Variants in COL25A1 observed in about 807,000 individuals in gnomAD.
COL25A1 encodes collagen alpha-1(XXV) chain.
COL25A1 carries 103 observed loss-of-function variants against 128.4 expected under a neutral mutation model. The observed-to-expected ratio is 0.80, with a 90% CI of 0.68 to 0.94. The LOEUF (loss-of-function observed/expected upper bound fraction) is 0.94. Among genes scored for constraint, COL25A1 ranks in the 40% least tolerant of loss-of-function variants. The pLI is 0.00. For missense variants in COL25A1, 745 were observed against 840.0 expected, an observed-to-expected ratio of 0.89 and a Z score of 1.40; for synonymous variants, 279 against 277.2, an observed-to-expected ratio of 1.01 and a Z score of -0.06.
intron 19 of COL25A1, among the ~76,000 whole-genome samples, chr4:108,870,742 T>C (rs887259325): frequency 2.0e-5 from 3 of 152,220 alleles, no homozygotes; most frequent in Non-Finnish European, 4.4e-5. Context: ...CAAAATGATA[T>C]ATACAAATAA....
intron 5 of COL25A1, among the ~76,000 whole-genome samples, chr4:109,023,069 A>G (rs1333271365): frequency 6.6e-6 from 1 of 152,222 alleles, no homozygotes; most frequent in Non-Finnish European, 1.5e-5. Context: ...TTTATTCCAC[A>G]GCAAGAAAAT....
At chr4:109,299,030 C>T (rs958133815) in intron 3 of COL25A1, among the ~76,000 whole-genome samples, 2 of 152,200 alleles carry the variant, frequency 1.3e-5, no homozygotes, top group Non-Finnish European at 2.9e-5. Context: ...CATTAAACAT[C>T]ACGAAACAAT....
chr4:109,253,903 C>T (rs113278216), intron 3 of COL25A1, among the ~76,000 whole-genome samples: 238 of 152,022 alleles, frequency 1.6e-3, no homozygotes, highest in African/African-American at 5.3e-3. Flanking sequence ...CTGGCTAACA[C>T]GGTGAAACCC....
chr4:109,026,546 T>C (rs534212813), intron 5 of COL25A1, among the ~76,000 whole-genome samples: 37 of 152,302 alleles, frequency 2.4e-4, no homozygotes, highest in Admixed American at 1.0e-3. Flanking sequence ...AGGCTGGTTA[T>C]AGACTTGGGA....
chr4:109,190,230 G>T (rs976807808), intron 3 of COL25A1, among the ~76,000 whole-genome samples: 5 of 152,036 alleles, frequency 3.3e-5, no homozygotes, highest in Admixed American at 2.6e-4. Flanking sequence ...AATAATAGAA[G>T]ACATAATCAA....
At chr4:109,261,032 C>A (rs1265197855) in intron 3 of COL25A1, among the ~76,000 whole-genome samples, 1 of 152,050 alleles carries the variant, frequency 6.6e-6, no homozygotes, top group Admixed American at 6.6e-5. Flanking sequence ...AGGGATATTT[C>A]TGATAAAAAC....
intron 18 of COL25A1, among the ~76,000 whole-genome samples, chr4:108,884,789 C>A (rs991786923): frequency 6.6e-6 from 1 of 152,144 alleles, no homozygotes; most frequent in Non-Finnish European, 1.5e-5. Context: ...GTACTTCTGA[C>A]AATTGTTGAG....
At chr4:109,142,945 G>A (rs1001426614) in intron 3 of COL25A1, among the ~76,000 whole-genome samples, 1 of 152,082 alleles carries the variant, frequency 6.6e-6, no homozygotes, top group African/African-American at 2.4e-5. Flanking sequence ...ATTTCTTACT[G>A]TCATTATGAT....
intron 13 of COL25A1, among the ~76,000 whole-genome samples, chr4:108,906,303 C>T (rs889207805): frequency 6.6e-6 from 1 of 152,088 alleles, no homozygotes; most frequent in Non-Finnish European, 1.5e-5. Context: ...TGCACCTAGG[C>T]GTTCTCTAAC....
intron 32 of COL25A1, among the ~76,000 whole-genome samples, chr4:108,830,091 G>C (rs1732899894): frequency 6.6e-6 from 1 of 152,112 alleles, no homozygotes; most frequent in African/African-American, 2.4e-5. Context: ...TTGTCACTTA[G>C]AGCCAAAAAG....
chr4:109,249,005 G>A (rs562523425), intron 3 of COL25A1, among the ~76,000 whole-genome samples: 1 of 152,194 alleles, frequency 6.6e-6, no homozygotes, highest in East Asian at 1.9e-4. Flanking sequence ...AATCCACTAG[G>A]TGCCAGACAT....
chr4:108,877,693 C>A (rs1418964624), intron 19 of COL25A1, among the ~76,000 whole-genome samples: 1 of 151,730 alleles, frequency 6.6e-6, no homozygotes, highest in Non-Finnish European at 1.5e-5. Flanking sequence ...TGAACAACTA[C>A]CATCTCTAGA....
rs533918336 is a variant in COL25A1 at position 109,134,906 on chromosome 4, T to C, written c.368-84727A>G. 2.6e-3 allele frequency among the ~76,000 whole-genome samples: 398 copies of C among 150,858 alleles called. 3 individuals carry two copies. Among genetic ancestry groups the C allele is most frequent in the African/African-American group, 9.3e-3 (383 of 41,110 alleles). On this transcript the variant is annotated intron_variant, in intron 3 of 37. Coordinates refer to ENST00000399132, the MANE Select transcript of COL25A1 (RefSeq NM_198721.4). ...AAAATGCAAGTAAGGAAATCGCTTA[T>C]AGATCAAGAAGAAATAGAGGGTCAA...
chr4:108,834,871 T>A (rs1733599832), intron 31 of COL25A1, among the ~76,000 whole-genome samples: 1 of 152,212 alleles, frequency 6.6e-6, no homozygotes, highest in South Asian at 2.1e-4. Context: ...TAAAACAGTA[T>A]TTATGAATAA....
At chr4:108,914,839 G>A (rs1270804946) in intron 13 of COL25A1, among the ~76,000 whole-genome samples, 1 of 151,876 alleles carries the variant, frequency 6.6e-6, no homozygotes, top group African/African-American at 2.4e-5. Context: ...CTTAAGGCAT[G>A]AGAATACTAC....
chr4:109,020,507 G>T (rs1215066030), intron 5 of COL25A1, among the ~76,000 whole-genome samples: 1 of 354 alleles, frequency 2.8e-3, no homozygotes, highest in Admixed American at 0.023. Flanking sequence ...AGATTATTAT[G>T]GGGGGGGGGG....
At chr4:108,852,310 A>C (rs763927907) in intron 25 of COL25A1, 30 bp from the exon 26 acceptor site, 1 of 1,554,694 alleles carries the variant, frequency 6.4e-7, no homozygotes, top group Admixed American at 1.9e-5. Flanking sequence ...AGTTTTTAAA[A>C]GTAGTAATTA....
intron 3 of COL25A1, among the ~76,000 whole-genome samples, chr4:109,074,454 T>G (rs1763231346): frequency 6.6e-6 from 1 of 152,218 alleles, no homozygotes; most frequent in African/African-American, 2.4e-5. Context: ...GCAACTACTC[T>G]TAAAAATTCC....
At chr4:109,068,183 G>A (rs896691139) in intron 3 of COL25A1, among the ~76,000 whole-genome samples, 1 of 152,114 alleles carries the variant, frequency 6.6e-6, no homozygotes, top group Admixed American at 6.5e-5. Flanking sequence ...TCACAGGTGG[G>A]ACATCTGCCC....
Sources: allele counts gnomAD v4.1 joint callset (sites outside exome capture counted in the v4.1 genomes callset), GRCh38; gene constraint gnomAD v4.1.1; transcripts MANE v1.5; gene names NCBI Gene and HGNC (gene_info 2026-07-23, HGNC 2026-07-21).